Variants in TRIM67 observed in about 807,000 individuals in gnomAD.
The protein encoded by TRIM67 is tripartite motif containing 67, also known as tripartite motif-containing protein 67.
TRIM67 carries 39 observed loss-of-function variants against 71.0 expected under a neutral mutation model. The observed-to-expected ratio is 0.55, with a 90% CI of 0.43 to 0.72. The LOEUF is 0.72. Among genes scored for constraint, TRIM67 ranks in the 30% least tolerant of loss-of-function variants. The probability of loss-of-function intolerance (pLI) is 0.00; values close to 1 mark genes in which losing one functional copy is unlikely to be tolerated. For synonymous variants in TRIM67, 481 were observed against 473.9 expected, an observed-to-expected ratio of 1.01 and a Z score of -0.19; for missense variants, 973 against 1,079.2, an observed-to-expected ratio of 0.90 and a Z score of 1.38.
chr1:231,179,354 T>C (rs968530390), intron 1 of TRIM67, among the ~76,000 whole-genome samples: 1 of 152,242 alleles, frequency 6.6e-6, no homozygotes, highest in Non-Finnish European at 1.5e-5. Context: ...TCTACTCCAG[T>C]GTGACCCCCA....
chr1:231,186,149 C>T (rs1485992579), intron 1 of TRIM67: 1 of 1,531,526 alleles, frequency 6.5e-7, no homozygotes. Context: ...GCTTGACAGC[C>T]AGGCTGAGGC....
intron 4 of TRIM67, 109 bp from the exon 5 acceptor site, chr1:231,201,249 T>C: frequency 8.1e-7 from 1 of 1,228,770 alleles, no homozygotes. Context: ...GCACAACCCT[T>C]TTCTGTCTCT....
At chr1:231,179,365 C>G (rs753750169) in intron 1 of TRIM67, among the ~76,000 whole-genome samples, 15 of 152,234 alleles carry the variant, frequency 9.9e-5, no homozygotes, top group Admixed American at 2.0e-4. Context: ...GTGACCCCCA[C>G]CTTAACCAAT....
At position 231,218,174 on chromosome 1, in the gene TRIM67, A is replaced by T. The variant is rs1571909772; in HGVS notation, c.*2734A>T. ...AACTTATCAATTCCTCATGGCCAGG[A>T]AGGTCCCGGGTTTCAGAGTAGAAAT... is the stretch of plus-strand genomic sequence containing the variant. On this transcript the variant is annotated 3_prime_UTR_variant, in exon 10 of 10. Transcript: ENST00000366653. 2 of 1,027,608 alleles carry T rather than the reference A, an allele frequency of 1.9e-6. No homozygotes were observed. Among genetic ancestry groups the T allele is most frequent in the East Asian group, 8.9e-5 (1 of 11,278 alleles). The allele number at this position is 1,027,608 out of a possible 1,614,324, so 63.7% of individuals were successfully genotyped here.
Position 231,162,067 on chromosome 1 carries a change from C to G in TRIM67, c.-903C>G, listed in dbSNP as rs1172621597. The G allele has an allele frequency of 6.6e-6, 1 of 152,162 alleles. No homozygotes were observed. The highest frequency in any genetic ancestry group is 1.5e-5 in the Non-Finnish European group (1 of 68,042). The allele number at this position is 152,162 out of a possible 1,614,324, so 9.4% of individuals were successfully genotyped here. A position where few individuals can be genotyped will look rare whatever the true frequency, so the allele number is the denominator to read the frequency against. ...CTCTGCTCTGGAAATTACAACTCCT[C>G]GGCGCGCCGCGCGGGGAGGCAGCGG... On this transcript the variant is annotated 5_prime_UTR_variant, in exon 1 of 10. Transcript: ENST00000366653.
At chr1:231,191,970 G>C (rs1683241403) in intron 1 of TRIM67, among the ~76,000 whole-genome samples, 1 of 151,952 alleles carries the variant, frequency 6.6e-6, no homozygotes, top group African/African-American at 2.4e-5. Context: ...GTGCAGTGGG[G>C]CAGCAGGGCA....
Position 231,205,560 on chromosome 1 carries a change from T to C in TRIM67, c.1681-1092T>C, listed in dbSNP as rs953234339. Among the ~76,000 whole-genome samples the C allele has an allele frequency of 7.2e-5, 11 of 152,182 alleles. No homozygotes were observed. The East Asian group carries it at 2.1e-3, about 29-fold the overall frequency. ...GGTCAACATGGTGAAACCCCATCTC[T>C]ACTTAAAATACAAAAATTACCCGGG... On this transcript the variant is annotated intron_variant, in intron 6 of 9. Transcript: ENST00000366653.
chr1:231,203,008 A>G (rs1683593537), intron 5 of TRIM67, among the ~76,000 whole-genome samples: 1 of 152,156 alleles, frequency 6.6e-6, no homozygotes, highest in Non-Finnish European at 1.5e-5. Context: ...AGCAGGGCCC[A>G]GGGGATGGAG....
chr1:231,208,330 C>A (rs866924377), intron 7 of TRIM67, among the ~76,000 whole-genome samples: 1 of 152,152 alleles, frequency 6.6e-6, no homozygotes, highest in South Asian at 2.1e-4. Flanking sequence ...CCTGCCACCA[C>A]GCCCGGCTAA....
At chr1:231,212,387 A>G (rs1429637245) in intron 8 of TRIM67, among the ~76,000 whole-genome samples, 1 of 152,194 alleles carries the variant, frequency 6.6e-6, no homozygotes, top group African/African-American at 2.4e-5. Context: ...GCTCTTTTGA[A>G]ATGCTGAGGA....
intron 1 of TRIM67, among the ~76,000 whole-genome samples, chr1:231,169,178 C>G (rs1335584410): frequency 1.3e-5 from 2 of 151,902 alleles, no homozygotes; most frequent in South Asian, 2.1e-4. Context: ...CTCAGCCTCC[C>G]GAGTAGCTGG....
intron 1 of TRIM67, among the ~76,000 whole-genome samples, chr1:231,177,426 C>T (rs946456939): frequency 1.3e-5 from 2 of 152,208 alleles, no homozygotes; most frequent in African/African-American, 4.8e-5. Context: ...TGGCTTGGCT[C>T]AGCAAATGGT....
At position 231,219,596 on chromosome 1, in the gene TRIM67, G is replaced by A. The variant is rs541275276; in HGVS notation, c.*4156G>A. The A allele has an allele frequency of 7.1e-5, 80 of 1,124,056 alleles. No homozygotes were observed. The East Asian group carries it at 4.3e-3, about 61-fold the overall frequency. 69.6% of individuals were successfully genotyped at this position (1,124,056 alleles called of 1,614,324 possible). A position where few individuals can be genotyped will look rare whatever the true frequency, so the allele number is the denominator to read the frequency against. On this transcript the variant is annotated 3_prime_UTR_variant, in exon 10 of 10. Coordinates refer to ENST00000366653, the MANE Select transcript of TRIM67 (RefSeq NM_001004342.5). ...CACTCACTGAAGATGCCCCCTGCCC[G>A]CTCCCCACTTCCTAGAAAGCAAAAC...
chr1:231,175,874 G>A (rs182537034), intron 1 of TRIM67, among the ~76,000 whole-genome samples: 157 of 152,298 alleles, frequency 1.0e-3, no homozygotes, highest in African/African-American at 3.7e-3. Context: ...GTAACTTCCC[G>A]AGGCTCCTCT....
chr1:231,217,825 G>C lies in TRIM67; in HGVS notation c.*2385G>C, dbSNP rs1264895083. Reference sequence around the variant, plus strand: ...TTTGAGGGAGCAGCATCCAGGTCAGGAGAGAAGTGGAAAGTGCAGGAGGGT... The same window carrying C: ...TTTGAGGGAGCAGCATCCAGGTCAGCAGAGAAGTGGAAAGTGCAGGAGGGT... On this transcript the variant is annotated 3_prime_UTR_variant, in exon 10 of 10. Coordinates refer to ENST00000366653, the MANE Select transcript of TRIM67 (RefSeq NM_001004342.5). 7.8e-7 allele frequency: 1 copy of C among 1,289,674 alleles called. No individual in the cohort carries two copies. Among genetic ancestry groups the C allele is most frequent in the Non-Finnish European group, 1.0e-6 (1 of 988,814 alleles). 79.9% of individuals were successfully genotyped at this position (1,289,674 alleles called of 1,614,324 possible).
chr1:231,216,538 C>G lies in TRIM67; in HGVS notation c.*1098C>G, dbSNP rs529580400. The G allele has an allele frequency of 1.0e-6, 1 of 985,506 alleles. No individual in the cohort carries two copies. The highest frequency in any genetic ancestry group is 1.1e-4 in the East Asian group (1 of 8,812). The allele number at this position is 985,506 out of a possible 1,614,324, so 61.0% of individuals were successfully genotyped here. On this transcript the variant is annotated 3_prime_UTR_variant, in exon 10 of 10. Coordinates refer to ENST00000366653, the MANE Select transcript of TRIM67 (RefSeq NM_001004342.5). Reference sequence around the variant, plus strand: ...AGACCCTGGGAAAGCCTGTTCTAGTCAGTCCACCCTATTGTCATTATGAAA... The same window carrying G: ...AGACCCTGGGAAAGCCTGTTCTAGTGAGTCCACCCTATTGTCATTATGAAA...
intron 1 of TRIM67, chr1:231,184,393 G>A (rs1356516328): frequency 1.3e-5 from 2 of 152,460 alleles, no homozygotes; most frequent in African/African-American, 4.9e-5. Context: ...GGAACAGACA[G>A]CTAAGAAGGC....
rs1312691290 is a variant in TRIM67 at position 231,217,897 on chromosome 1, G to A, written c.*2457G>A. 44 of 1,288,702 alleles carry A rather than the reference G, an allele frequency of 3.4e-5. No homozygotes were observed. The highest frequency in any genetic ancestry group is 4.2e-5 in the Non-Finnish European group (42 of 988,442). The allele number at this position is 1,288,702 out of a possible 1,614,324, so 79.8% of individuals were successfully genotyped here. A position where few individuals can be genotyped will look rare whatever the true frequency, so the allele number is the denominator to read the frequency against. ...CTCTTTCAGAAAAAAGTTCCCTGAA[G>A]TCCAGAGAGGTGCAGCCAGGACTCC... is the stretch of plus-strand genomic sequence containing the variant. On this transcript the variant is annotated 3_prime_UTR_variant, in exon 10 of 10. Transcript: ENST00000366653.
At chr1:231,212,006 G>A (rs1250889325) in intron 8 of TRIM67, among the ~76,000 whole-genome samples, 1 of 152,184 alleles carries the variant, frequency 6.6e-6, no homozygotes, top group Non-Finnish European at 1.5e-5. Context: ...GACGAATTAA[G>A]AGTCCTTTAT....
Sources: gnomAD v4.1 joint callset for allele counts (sites outside exome capture counted in the v4.1 genomes callset) on GRCh38, gnomAD v4.1.1 for gene constraint, MANE v1.5 for transcripts, NCBI Gene and HGNC (gene_info 2026-07-23, HGNC 2026-07-21) for gene names.